Variants in ZNF131 observed in about 807,000 individuals in gnomAD.
The protein encoded by ZNF131 is zinc finger protein 131.
Under a neutral mutation model 60.0 loss-of-function variants are expected in ZNF131, and 7 were observed. The observed-to-expected ratio is 0.12, with a 90% CI of 0.07 to 0.22. The LOEUF (loss-of-function observed/expected upper bound fraction) is 0.22, where lower values mean the gene tolerates loss of function less well. Among genes scored for constraint, ZNF131 ranks in the 10% least tolerant of loss-of-function variants. The pLI, the probability that ZNF131 is intolerant of heterozygous loss-of-function variation, is 1.00. For synonymous variants in ZNF131, 257 were observed against 253.2 expected (o/e 1.01, Z -0.14); for missense variants, 493 against 740.9 (o/e 0.67, Z 3.88).
In ZNF131 at chr5:43,172,126, T is replaced by C. The variant is rs1171728798; in HGVS notation, c.1055-1192T>C. ...CTCACTCACTCTTGCCCCATGGCAG[T>C]GGGCCTTCTGATCCAATTACATCAC... On this transcript the variant is annotated intron_variant, in intron 5 of 6. Coordinates refer to ENST00000682664, the MANE Select transcript of ZNF131 (RefSeq NM_001330707.2). Among the ~76,000 whole-genome samples, 5 of 152,256 alleles carry C rather than the reference T, an allele frequency of 3.3e-5. No individual in the cohort carries two copies. In the East Asian group the frequency reaches 9.6e-4, roughly 29 times the overall value.
rs1005393828 is a variant in ZNF131, at chr5:43,142,539, C to T, written c.371+3230C>T. ...CAGGCTGGTCTTGACCTCCTGACCT[C>T]GTGATCCACCTGCCTCGACCTCCCA... On this transcript the variant is annotated intron_variant, in intron 4 of 6. Coordinates refer to ENST00000682664, the MANE Select transcript of ZNF131 (RefSeq NM_001330707.2). Among the ~76,000 whole-genome samples, 61 of 151,882 alleles carry T rather than the reference C, an allele frequency of 4.0e-4. 1 individual carries two copies. Among genetic ancestry groups the T allele is most frequent in the Admixed American group, 3.1e-3 (48 of 15,266 alleles).
chr5:43,169,332 T>A (rs35996348), intron 5 of ZNF131, among the ~76,000 whole-genome samples: 1 of 149,334 alleles, frequency 6.7e-6, no homozygotes, highest in Non-Finnish European at 1.5e-5. Context: ...TTTTACTGAG[T>A]TTACTTAATT....
intron 1 of ZNF131, 190 bp from the exon 2 acceptor site, chr5:43,121,849 G>A: frequency 2.0e-6 from 1 of 494,016 alleles, no homozygotes. Flanking sequence ...GAGTCCCGCG[G>A]CCGCGGCTCC....
At chr5:43,153,798 T>C (rs1398965194) in intron 4 of ZNF131, among the ~76,000 whole-genome samples, 1 of 152,196 alleles carries the variant, frequency 6.6e-6, no homozygotes, top group East Asian at 1.9e-4. Context: ...GTGATCAAAC[T>C]GCTTTACTCA....
chr5:43,122,103 A>G lies in ZNF131; in HGVS notation c.50A>G (p.His17Arg), dbSNP rs375732228. Residue 17 changes from histidine to arginine, a missense_variant, in exon 2 of 7, where the codon CAT (histidine) becomes CGT (arginine). By Grantham distance (29) the His-to-Arg change is conservative. Transcript: ENST00000682664. ...MECLQEFPEH[H>R]KMILDRLNEQ... is the part of the protein sequence containing the mutation. Reference sequence around the variant, plus strand: ...TGCCTTCAGGAGTTCCCTGAACATCATAAAATGATCCTCGACCGATTGAAT... The same window carrying G: ...TGCCTTCAGGAGTTCCCTGAACATCGTAAAATGATCCTCGACCGATTGAAT... 53 of 1,614,036 alleles carry G rather than the reference A, an allele frequency of 3.3e-5. 1 individual carries two copies. Among genetic ancestry groups the G allele is most frequent in the Middle Eastern group, 3.3e-4 (2 of 6,084 alleles).
chr5:43,123,251 G>T lies in ZNF131; in HGVS notation c.167G>T (p.Ser56Ile). ...KAHKAVLAAC[S>I]KFFYKFFQEF... ...CACAAGGCTGTTTTGGCTGCTTGTA[G>T]TAAGTTCTTCTACAAATTCTTTCAG... Residue 56 changes from serine (S) to isoleucine (I), a missense_variant, in exon 3 of 7, where the codon AGT becomes ATT. This residue lies in a region of ZNF131 where 66 missense variants were observed against 148.0 expected (regional missense o/e 0.45). Coordinates refer to ENST00000682664, the MANE Select transcript of ZNF131 (RefSeq NM_001330707.2). 1 of 1,612,246 alleles carries T rather than the reference G, an allele frequency of 6.2e-7. No homozygotes were observed.
chr5:43,144,237 C>CTTTTTTT (rs935655531), intron 4 of ZNF131, among the ~76,000 whole-genome samples: 8 of 65,290 alleles, frequency 1.2e-4, no homozygotes, highest in African/African-American at 2.4e-4. Flanking sequence ...TTCTTTCTTT[C>CTTTTTTT]TTTTTTTTTT....
At chr5:43,123,463 T>C in intron 3 of ZNF131, 153 bp downstream of exon 3, 1 of 520,100 alleles carries the variant, frequency 1.9e-6, no homozygotes, top group Non-Finnish European at 3.2e-6. Flanking sequence ...GTAGTTCCTG[T>C]AGGTAAAGGT....
intron 4 of ZNF131, among the ~76,000 whole-genome samples, chr5:43,143,171 C>T (rs1346462487): frequency 2.0e-5 from 3 of 151,868 alleles, no homozygotes; most frequent in Non-Finnish European, 4.4e-5. Flanking sequence ...TACAGGCACA[C>T]GCCACCACGC....
chr5:43,126,349 T>C (rs1183717481), intron 3 of ZNF131, among the ~76,000 whole-genome samples: 1 of 152,196 alleles, frequency 6.6e-6, no homozygotes, highest in Non-Finnish European at 1.5e-5. Context: ...GTGGATCCAG[T>C]TTGAACTTAC....
intron 4 of ZNF131, among the ~76,000 whole-genome samples, chr5:43,157,783 G>C (rs34333393): frequency 0.097 from 14,782 of 152,210 alleles, 856 homozygotes; most frequent in East Asian, 0.19. Context: ...GGGGAGCATC[G>C]TTTTTGCCTC....
intron 5 of ZNF131, among the ~76,000 whole-genome samples, chr5:43,164,956 C>G (rs891312876): frequency 6.6e-6 from 1 of 152,062 alleles, no homozygotes; most frequent in African/African-American, 2.4e-5. Context: ...CTCCTCTCCT[C>G]TCTCTCTCCT....
At chr5:43,129,511 G>T (rs570324596) in intron 3 of ZNF131, among the ~76,000 whole-genome samples, 1 of 152,132 alleles carries the variant, frequency 6.6e-6, no homozygotes, top group African/African-American at 2.4e-5. Context: ...TTTTCTAAGG[G>T]TAATGAAAAA....
intron 3 of ZNF131, among the ~76,000 whole-genome samples, chr5:43,126,426 G>A (rs6414900): frequency 0.7 from 106,519 of 151,996 alleles, 37,694 homozygotes; most frequent in East Asian, 0.84. Flanking sequence ...GCAGTTCTCA[G>A]CGCCTTTCCT....
At chr5:43,129,398 A>G (rs1277014364) in intron 3 of ZNF131, among the ~76,000 whole-genome samples, 2 of 151,850 alleles carry the variant, frequency 1.3e-5, no homozygotes, top group Non-Finnish European at 2.9e-5. Context: ...TATTTAGTCT[A>G]TAGGTGATTC....
intron 4 of ZNF131, among the ~76,000 whole-genome samples, chr5:43,157,954 A>G (rs1238547050): frequency 6.6e-6 from 1 of 152,186 alleles, no homozygotes. Context: ...GAATTATTCA[A>G]GGCTTGTCTT....
At chr5:43,168,140 C>A in intron 5 of ZNF131, 1 of 298,768 alleles carries the variant, frequency 3.3e-6, no homozygotes, top group South Asian at 3.0e-5. Flanking sequence ...GGATTAATCT[C>A]TTCATGAGGG....
chr5:43,159,939 G>A (rs527879355), intron 4 of ZNF131, among the ~76,000 whole-genome samples: 1 of 148,776 alleles, frequency 6.7e-6, no homozygotes, highest in East Asian at 1.9e-4. Flanking sequence ...CTTTGGGGGA[G>A]GCCAAGGCGG....
At chr5:43,168,073 T>C (rs1302305963) in intron 5 of ZNF131, 1 of 394,562 alleles carries the variant, frequency 2.5e-6, no homozygotes, top group Admixed American at 3.1e-5. Context: ...CTTACTCTTC[T>C]TTTAAAGCCA....
Sources: gnomAD v4.1 joint callset for allele counts (sites outside exome capture counted in the v4.1 genomes callset) on GRCh38, gnomAD v4.1.1 for gene constraint, gnomAD v4.1.1 regional missense constraint, MANE v1.5 for transcripts, NCBI Gene and HGNC (gene_info 2026-07-23, HGNC 2026-07-21) for gene names.